Variants in ERN2 observed in about 807,000 individuals in gnomAD.
ERN2 encodes endoplasmic reticulum to nucleus signaling 2.
Under a neutral mutation model 107.9 loss-of-function variants are expected in ERN2, and 111 were observed. The observed-to-expected ratio is 1.03, with a 90% CI of 0.88 to 1.20. ERN2 has a LOEUF of 1.20. ERN2 is among the 50% of genes most tolerant of loss of function. The pLI, the probability that ERN2 is intolerant of heterozygous loss-of-function variation, is 0.00. For missense variants in ERN2, 1,225 were observed against 1,197.9 expected, an observed-to-expected ratio of 1.02 and a Z score of -0.33; for synonymous variants, 524 against 501.7, an observed-to-expected ratio of 1.04 and a Z score of -0.59.
rs114861607 is a variant in ERN2, at chr16:23,703,350, A to G, written c.855-648T>C. On this transcript the variant is annotated intron_variant, in intron 8 of 21. Transcript: ENST00000256797. The stretch of plus-strand genomic sequence containing the variant: ...AAAATGACAGTACCCACGTGCTTCT[A>G]GAAACCTGAGCATGATCTTTGACTC... 5.5e-3 allele frequency among the ~76,000 whole-genome samples: 840 copies of G among 152,258 alleles called. 9 individuals are homozygous for G. The highest frequency in any genetic ancestry group is 0.019 in the African/African-American group (807 of 41,536).
At chr16:23,699,879 A>G (rs999396905) in intron 13 of ERN2, among the ~76,000 whole-genome samples, 1 of 152,256 alleles carries the variant, frequency 6.6e-6, no homozygotes, top group African/African-American at 2.4e-5. Context: ...TTATTTAATA[A>G]TAATGATTGT....
intron 14 of ERN2, among the ~76,000 whole-genome samples, 169 bp downstream of exon 14, chr16:23,695,722 CAAA>C (rs57103138): frequency 2.1e-4 from 8 of 37,388 alleles, no homozygotes; most frequent in Admixed American, 5.8e-4. Context: ...GAGCAAGACT[CAAA>C]AAAAAAAAAA....
rs755603241 is a variant in ERN2 at position 23,700,753 on chromosome 16, C to G, written c.1360-49G>C. ...GCTTTGTCCTGGCCACGCCCTGCCC[C>G]GTGATGGGCCCAGTATCTGTGACTG... On this transcript the variant is annotated intron_variant, in intron 12 of 21. Coordinates refer to ENST00000256797, the MANE Select transcript of ERN2 (RefSeq NM_033266.4). 5.1e-6 allele frequency: 8 copies of G among 1,563,960 alleles called. No homozygotes were observed. In the African/African-American group the frequency reaches 8.2e-5, roughly 16 times the overall value.
At chr16:23,705,940 G>T (rs1159302627) in intron 7 of ERN2, among the ~76,000 whole-genome samples, 1 of 152,088 alleles carries the variant, frequency 6.6e-6, no homozygotes, top group Non-Finnish European at 1.5e-5. Flanking sequence ...AGTGGTCGGG[G>T]TCACCTGGGG....
chr16:23,693,326 C>G (rs963349386), intron 17 of ERN2, among the ~76,000 whole-genome samples: 4 of 152,000 alleles, frequency 2.6e-5, no homozygotes, highest in Non-Finnish European at 5.9e-5. Flanking sequence ...GTGGCTCATG[C>G]CTATAATCTC....
chr16:23,690,983 C>T lies in ERN2; in HGVS notation c.2629G>A (p.Gly877Ser). ...VRQALGQVPD[G>S]FVQYFTNRFP... Reference sequence around the variant, plus strand: ...CGGTTTGTGAAGTACTGGACGAAGCCATCAGGGACTTGGCCGAGTGCCTGT... The same window carrying T: ...CGGTTTGTGAAGTACTGGACGAAGCTATCAGGGACTTGGCCGAGTGCCTGT... The change falls in exon 22 of 22, where the codon GGC becomes AGC. Residue 877 changes from glycine (G) to serine (S), a missense_variant. Transcript: ENST00000256797. 1.2e-6 allele frequency: 2 copies of T among 1,614,170 alleles called. No individual in the cohort carries two copies. The highest frequency in any genetic ancestry group is 1.7e-6 in the Non-Finnish European group (2 of 1,180,036).
chr16:23,706,235 C>A (rs912238610), intron 7 of ERN2, 95 bp downstream of exon 7: 16 of 866,986 alleles, frequency 1.8e-5, no homozygotes, highest in Non-Finnish European at 2.8e-5. Context: ...TCAAGTGGGT[C>A]GAAATGTGGC....
At chr16:23,700,741 C>T (rs763408777) in intron 12 of ERN2, 37 bp from the exon 13 acceptor site, 2 of 1,585,882 alleles carry the variant, frequency 1.3e-6, no homozygotes, top group Admixed American at 3.5e-5. Flanking sequence ...TTGTCCTGGC[C>T]ACGCCCTGCC....
At chr16:23,704,502 T>G (rs1344405207) in intron 8 of ERN2, among the ~76,000 whole-genome samples, 1 of 152,230 alleles carries the variant, frequency 6.6e-6, no homozygotes, top group Non-Finnish European at 1.5e-5. Context: ...TGTTCCTGCT[T>G]GCTTTCTGCC....
chr16:23,706,582 C>G (rs868337935), intron 6 of ERN2, 151 bp from the exon 7 acceptor site: 4 of 748,038 alleles, frequency 5.3e-6, no homozygotes, highest in Middle Eastern at 2.5e-4. Context: ...GAGACTGGAG[C>G]TGTCTTGTTT....
rs1254220534 is a variant in ERN2, at chr16:23,704,870, C to A, written c.854+13G>T. 1.9e-6 allele frequency: 3 copies of A among 1,602,476 alleles called. No homozygotes were observed. The highest frequency in any genetic ancestry group is 1.8e-4 in the Middle Eastern group (1 of 5,662). On this transcript the variant is annotated intron_variant, in intron 8 of 21. Transcript: ENST00000256797. ...GATGGCTCCCTCCCTGGGCCCCAGG[C>A]ACGAACACCTACAGCAGCTGGGTGT...
intron 14 of ERN2, 91 bp from the exon 15 acceptor site, chr16:23,695,480 C>T: frequency 1.5e-6 from 2 of 1,304,846 alleles, no homozygotes; most frequent in African/African-American, 1.5e-5. Context: ...AATCCTAGCA[C>T]TTTGGGAGGC....
rs907608401 is a variant in ERN2, at chr16:23,695,389, C to T, written c.1611G>A (p.Arg537=). ...GRGAGGTFVF[R]GQFEGRAVAV... is the part of the protein sequence containing the mutation. ...CCACTGCCCGTCCCTCAAACTGTCC[C>T]CTGGAAAGTGGGTGATGGCGGGGGC... The change falls in exon 15 of 22, where the codon CGG becomes CGA. Residue 537 remains arginine, a splice_region_variant and synonymous_variant. Coordinates refer to ENST00000256797, the MANE Select transcript of ERN2 (RefSeq NM_033266.4). The T allele has an allele frequency of 6.3e-7, 1 of 1,588,528 alleles. No homozygotes were observed. The highest frequency in any genetic ancestry group is 8.6e-7 in the Non-Finnish European group (1 of 1,167,306).
chr16:23,701,726 C>A (rs1960075615), intron 11 of ERN2, among the ~76,000 whole-genome samples: 1 of 151,264 alleles, frequency 6.6e-6, no homozygotes, highest in African/African-American at 2.4e-5. Flanking sequence ...AACTCTTGGG[C>A]TCGAGCAATC....
chr16:23,690,573 G>C lies in ERN2; in HGVS notation c.*258C>G. 2 of 515,896 alleles carry C rather than the reference G, an allele frequency of 3.9e-6. No individual in the cohort carries two copies. The highest frequency in any genetic ancestry group is 7.0e-6 in the Non-Finnish European group (2 of 284,224). 32.0% of individuals were successfully genotyped at this position (515,896 alleles called of 1,614,324 possible). ...GGGCTCAAGTGATTCTCCCACCTCA[G>C]CCTCCCAAGCAGCTGGGACTACAGG... On this transcript the variant is annotated 3_prime_UTR_variant, in exon 22 of 22. Coordinates refer to ENST00000256797, the MANE Select transcript of ERN2 (RefSeq NM_033266.4).
At chr16:23,711,869 C>T (rs987535256) in intron 1 of ERN2, 1 of 202,664 alleles carries the variant, frequency 4.9e-6, no homozygotes, top group South Asian at 4.7e-5. Context: ...TTTCTGCCTC[C>T]CCAAACCAGC....
chr16:23,710,237 A>G lies in ERN2; in HGVS notation c.241T>C (p.Phe81Leu). The G allele has an allele frequency of 6.2e-7, 1 of 1,613,818 alleles. No individual in the cohort carries two copies. Residue 81 changes from phenylalanine (F) to leucine (L), a missense_variant, in exon 4 of 22, where the codon TTT becomes CTT. Physicochemically the swap from Phe to Leu is conservative, Grantham distance 22 (BLOSUM62 0). Transcript: ENST00000256797. ...CTGCCATCTGCTGGGTCAGAGAGAA[A>G]GGCCATTCTGTGGAGCAGAGAGAAA... ...EGPMYVTEMA[F>L]LSDPADGSLY...
At chr16:23,691,466 G>A in intron 19 of ERN2, 41 bp from the exon 20 acceptor site, 1 of 1,589,224 alleles carries the variant, frequency 6.3e-7, no homozygotes, top group Non-Finnish European at 8.5e-7. Context: ...ACCGGGGCCA[G>A]AGGCCACATA....
Position 23,690,727 on chromosome 16 carries a change from T to G in ERN2, c.*104A>C. On this transcript the variant is annotated 3_prime_UTR_variant, in exon 22 of 22. Coordinates refer to ENST00000256797, the MANE Select transcript of ERN2 (RefSeq NM_033266.4). The stretch of plus-strand genomic sequence containing the variant: ...CACTCAGCCTCCCAAAATGCTGGGA[T>G]TACAGGTGTGAGCCACTGCACCCAG... The G allele has an allele frequency of 1.2e-6, 1 of 858,250 alleles. No homozygotes were observed. The highest frequency in any genetic ancestry group is 2.7e-5 in the East Asian group (1 of 36,638). The allele number at this position is 858,250 out of a possible 1,614,324, so 53.2% of individuals were successfully genotyped here. A position where few individuals can be genotyped will look rare whatever the true frequency, so the allele number is the denominator to read the frequency against.
Sources: gnomAD v4.1 joint callset for allele counts (sites outside exome capture counted in the v4.1 genomes callset) on GRCh38, gnomAD v4.1.1 for gene constraint, MANE v1.5 for transcripts, NCBI Gene and HGNC (gene_info 2026-07-23, HGNC 2026-07-21) for gene names.